MICAL2: variants seen among roughly 807,000 people sequenced by gnomAD.
The protein encoded by MICAL2 is [F-actin]-monooxygenase MICAL2.
Under a neutral mutation model 127.3 loss-of-function variants are expected in MICAL2, and 77 were observed. That is an observed-to-expected ratio of 0.60 (90% confidence interval 0.50 to 0.73). MICAL2 has a LOEUF of 0.73. Ranked by LOEUF, MICAL2 falls within the 30% of genes least tolerant of loss-of-function variation. The probability of loss-of-function intolerance (pLI) is 0.00; values close to 1 mark genes in which losing one functional copy is unlikely to be tolerated. For synonymous variants in MICAL2, 570 were observed against 551.1 expected (o/e 1.03, Z -0.48); for missense variants, 1,351 against 1,434.4 (o/e 0.94, Z 0.94).
Position 12,149,271 on chromosome 11 carries a change from G to A in MICAL2, c.-78+10811G>A, listed in dbSNP as rs542431162. 2.6e-5 allele frequency among the ~76,000 whole-genome samples: 4 copies of A among 152,298 alleles called. No individual in the cohort carries two copies. In the South Asian group the frequency reaches 8.3e-4, roughly 32 times the overall value. ...CGGGGAAGTGATGAGAGTAGAGGCT[G>A]GAGGGGCGAGCTAGGGCTGGATCAC... On this transcript the variant is annotated intron_variant, in intron 2 of 27. Transcript: ENST00000683283.
intron 2 of MICAL2, 21 bp from the exon 3 acceptor site, chr11:12,162,058 T>C: frequency 6.5e-7 from 1 of 1,549,988 alleles, no homozygotes; most frequent in South Asian, 1.2e-5. Context: ...AGCTGACCTC[T>C]GCCTCCCCCT....
chr11:12,302,593 A>G (rs1864059648), intron 29 of MICAL2, among the ~76,000 whole-genome samples: 1 of 151,938 alleles, frequency 6.6e-6, no homozygotes, highest in East Asian at 1.9e-4. Flanking sequence ...TTTTGCCCAT[A>G]CTTTTATTGT....
chr11:12,240,107 A>G (rs775042959), intron 17 of MICAL2, among the ~76,000 whole-genome samples: 1 of 152,236 alleles, frequency 6.6e-6, no homozygotes, highest in Non-Finnish European at 1.5e-5. Context: ...CTGAGCTCAC[A>G]GTATTGAAGG....
At chr11:12,131,754 T>A (rs1353392995) in intron 1 of MICAL2, among the ~76,000 whole-genome samples, 2 of 152,212 alleles carry the variant, frequency 1.3e-5, no homozygotes, top group East Asian at 3.9e-4. Flanking sequence ...GTCCTAGCTC[T>A]GTTTTTTATG....
intron 32 of MICAL2, among the ~76,000 whole-genome samples, chr11:12,328,982 G>A (rs568308246): frequency 6.6e-6 from 1 of 152,292 alleles, no homozygotes; most frequent in South Asian, 2.1e-4. Context: ...CTAGATTTCA[G>A]GGAAATGCTA....
chr11:12,269,287 CCCT>C (rs1445296917), intron 24 of MICAL2, among the ~76,000 whole-genome samples: 1 of 152,186 alleles, frequency 6.6e-6, no homozygotes, highest in Non-Finnish European at 1.5e-5. Context: ...GTTCTTCCTG[CCCT>C]CCTCATTCAG....
At chr11:12,316,237 A>G (rs72857238) in intron 29 of MICAL2, among the ~76,000 whole-genome samples, 28,441 of 151,948 alleles carry the variant, frequency 0.19, 3,581 homozygotes, top group Non-Finnish European at 0.27. Context: ...TCTTCTTTTT[A>G]ATTGCAATGC....
At chr11:12,261,797 G>A in intron 26 of MICAL2, 1 of 985,654 alleles carries the variant, frequency 1.0e-6, no homozygotes. Flanking sequence ...TGTTGGCACT[G>A]TTCTCAGTCC....
At chr11:12,264,611 T>G (rs568974458), downstream of MICAL2, among the ~76,000 whole-genome samples, 2 of 152,260 alleles carry the variant, frequency 1.3e-5, no homozygotes, top group African/African-American at 4.8e-5. Context: ...GTGAACCTCA[T>G]GAGGTCCCTG....
At chr11:12,347,028 A>G (rs1052153687) in intron 32 of MICAL2, among the ~76,000 whole-genome samples, 1 of 152,152 alleles carries the variant, frequency 6.6e-6, no homozygotes, top group Non-Finnish European at 1.5e-5. Context: ...TGATGAGATC[A>G]TCAAAAAATG....
At chr11:12,137,587 G>A (rs532955124) in intron 1 of MICAL2, among the ~76,000 whole-genome samples, 4 of 151,938 alleles carry the variant, frequency 2.6e-5, no homozygotes, top group African/African-American at 9.7e-5. Context: ...TTGTGTGCTA[G>A]AGAGAGAGAG....
intron 3 of MICAL2, among the ~76,000 whole-genome samples, chr11:12,178,393 T>C (rs1208828250): frequency 6.6e-6 from 1 of 151,970 alleles, no homozygotes; most frequent in Non-Finnish European, 1.5e-5. Context: ...AATTGGGTTA[T>C]AGCTTGGTTT....
At chr11:12,143,248 T>C (rs1044921420) in intron 2 of MICAL2, among the ~76,000 whole-genome samples, 1 of 152,134 alleles carries the variant, frequency 6.6e-6, no homozygotes, top group Non-Finnish European at 1.5e-5. Context: ...GGGCCTGATT[T>C]GGTGTTTAGA....
rs769326727 is a variant in MICAL2, at chr11:12,249,168, C to T, written c.2785-16C>T. Reference sequence around the variant, plus strand: ...TTATTTACCTAAAATGCATGTTGATCCCTCTCTTTCTAAAGGAAAAGAAGT... The same window carrying T: ...TTATTTACCTAAAATGCATGTTGATTCCTCTCTTTCTAAAGGAAAAGAAGT... On this transcript the variant is annotated splice_polypyrimidine_tract_variant and intron_variant, in intron 21 of 27. Transcript: ENST00000683283. 1.2e-6 allele frequency: 2 copies of T among 1,613,150 alleles called. No individual in the cohort carries two copies. The highest frequency in any genetic ancestry group is 1.7e-6 in the Non-Finnish European group (2 of 1,179,648).
In MICAL2 at chr11:12,262,136, G is replaced by A. The variant is rs756635710; in HGVS notation, c.3335-344G>A. On this transcript the variant is annotated intron_variant, in intron 26 of 27. Transcript: ENST00000683283. The stretch of plus-strand genomic sequence containing the variant: ...TTGAACCTTTCTGGTGGGCAGCACC[G>A]ACACCCAGGGGTGGACCCCCGAGGA... 9.5e-4 allele frequency: 1,104 copies of A among 1,165,856 alleles called. 3 individuals carry two copies. Among genetic ancestry groups the A allele is most frequent in the Non-Finnish European group, 1.1e-3 (1,043 of 938,336 alleles). 72.2% of individuals were successfully genotyped at this position (1,165,856 alleles called of 1,614,324 possible).
Position 12,227,189 on chromosome 11 carries a change from A to G in MICAL2, c.1995+58A>G, listed in dbSNP as rs1189940370. On this transcript the variant is annotated intron_variant, in intron 15 of 27. Transcript: ENST00000683283. The stretch of plus-strand genomic sequence containing the variant: ...CATTGCACATGGACGGGGTATGAGG[A>G]ACGGAGATTGTCACATTCTCAGCCT... 7.3e-6 allele frequency: 9 copies of G among 1,234,222 alleles called. No individual in the cohort carries two copies. In the Admixed American group the frequency reaches 1.1e-4, roughly 15 times the overall value. 76.5% of individuals were successfully genotyped at this position (1,234,222 alleles called of 1,614,324 possible). A position where few individuals can be genotyped will look rare whatever the true frequency, so the allele number is the denominator to read the frequency against.
intron 15 of MICAL2, among the ~76,000 whole-genome samples, chr11:12,227,817 A>G (rs1443104141): frequency 1.3e-5 from 2 of 152,222 alleles, no homozygotes; most frequent in East Asian, 3.8e-4. Context: ...AGACCAAATA[A>G]CTTAATAGGA....
At chr11:12,198,180 C>T (rs1860192997) in intron 3 of MICAL2, among the ~76,000 whole-genome samples, 3 of 152,162 alleles carry the variant, frequency 2.0e-5, no homozygotes, top group Admixed American at 1.3e-4. Context: ...AGGTTTTCAC[C>T]CTGGTTCTGT....
At chr11:12,238,265 GGGA>G (rs1859367960) in intron 16 of MICAL2, among the ~76,000 whole-genome samples, 1 of 152,188 alleles carries the variant, frequency 6.6e-6, no homozygotes, top group Non-Finnish European at 1.5e-5. Flanking sequence ...TGAGGCCTGT[GGGA>G]GGAGATCCCG....
Sources: gnomAD v4.1 joint callset for allele counts (sites outside exome capture counted in the v4.1 genomes callset) on GRCh38, gnomAD v4.1.1 for gene constraint, MANE v1.5 for transcripts, NCBI Gene and HGNC (gene_info 2026-07-23, HGNC 2026-07-21) for gene names.